PIGB: variants seen among roughly 807,000 people sequenced by gnomAD.
PIGB encodes GPI alpha-1,2-mannosyltransferase 3.
PIGB carries 58 observed loss-of-function variants against 68.4 expected under a neutral mutation model. The observed-to-expected ratio is 0.85, with a 90% CI of 0.69 to 1.06. The LOEUF (loss-of-function observed/expected upper bound fraction) is 1.06. Among genes scored for constraint, PIGB ranks in the 50% least tolerant of loss-of-function variants. PIGB has a pLI of 0.00. For missense variants in PIGB, 634 were observed against 655.8 expected (o/e 0.97, Z 0.36); for synonymous variants, 219 against 220.5 (o/e 0.99, Z 0.06).
chr15:55,329,657 G>C, intron 4 of PIGB, 67 bp from the exon 5 acceptor site: 1 of 1,226,996 alleles, frequency 8.1e-7, no homozygotes, highest in Non-Finnish European at 1.1e-6. Flanking sequence ...TTGCTATTTA[G>C]AAGATAATAT....
intron 6 of PIGB, among the ~76,000 whole-genome samples, chr15:55,338,619 C>A (rs1001766292): frequency 6.6e-6 from 1 of 151,934 alleles, no homozygotes; most frequent in Non-Finnish European, 1.5e-5. Context: ...TGCACTCCAG[C>A]CTGGGTGACA....
chr15:55,324,855 T>A (rs1433045973), intron 3 of PIGB: 1 of 966,824 alleles, frequency 1.0e-6, no homozygotes, highest in Non-Finnish European at 1.2e-6. Context: ...GAGTGCCTTT[T>A]CCTGTATTTT....
At position 55,335,358 on chromosome 15, in the gene PIGB, A is replaced by C. The variant is rs535131852; in HGVS notation, c.794+1351A>C. On this transcript the variant is annotated intron_variant, in intron 6 of 11. Coordinates refer to ENST00000164305, the MANE Select transcript of PIGB (RefSeq NM_004855.5). ...TCAGTTGCTACTGTTGTCATTTCTC[A>C]GATGTATTAATAACATTGCATTAAA... Among the ~76,000 whole-genome samples, 4 of 152,230 alleles carry C rather than the reference A, an allele frequency of 2.6e-5. No individual in the cohort carries two copies. In the South Asian group the frequency reaches 8.3e-4, roughly 31 times the overall value.
At chr15:55,329,701 G>T in intron 4 of PIGB, 23 bp from the exon 5 acceptor site, 1 of 1,594,022 alleles carries the variant, frequency 6.3e-7, no homozygotes, top group Non-Finnish European at 8.6e-7. Flanking sequence ...TTTCATATAT[G>T]TTTGCTCTGT....
intron 9 of PIGB, chr15:55,349,959 A>G (rs2055885686): frequency 6.6e-6 from 1 of 152,176 alleles, no homozygotes; most frequent in Non-Finnish European, 1.5e-5. Flanking sequence ...GGACTATCAG[A>G]GGGGAGAGAG....
chr15:55,321,991 A>G (rs1224036937), intron 3 of PIGB, among the ~76,000 whole-genome samples: 1 of 150,780 alleles, frequency 6.6e-6, no homozygotes, highest in Non-Finnish European at 1.5e-5. Context: ...CCTGACCAAC[A>G]CAGAGAAACC....
intron 5 of PIGB, 38 bp downstream of exon 5, chr15:55,329,892 C>A (rs769888329): frequency 1.4e-6 from 2 of 1,453,330 alleles, no homozygotes; most frequent in Non-Finnish European, 1.9e-6. Flanking sequence ...GTTCAAAATT[C>A]TACTTTTGAA....
rs2055156942 is a variant in PIGB, at chr15:55,321,267, T to A, written c.300-6T>A. The A allele has an allele frequency of 6.3e-7, 1 of 1,592,584 alleles. No homozygotes were observed. Among genetic ancestry groups the A allele is most frequent in the East Asian group, 2.2e-5 (1 of 44,526 alleles). ...TTATTGGACATTTACTCCTTAATGTTACTAATTATGGTTATTTGACTTGGG... is the reference window on the plus strand; with the variant it reads ...TTATTGGACATTTACTCCTTAATGTAACTAATTATGGTTATTTGACTTGGG... On this transcript the variant is annotated splice_region_variant and splice_polypyrimidine_tract_variant and intron_variant, in intron 2 of 11. Coordinates refer to ENST00000164305, the MANE Select transcript of PIGB (RefSeq NM_004855.5).
chr15:55,325,047 G>C (rs373854903), intron 3 of PIGB, among the ~76,000 whole-genome samples: 28 of 152,272 alleles, frequency 1.8e-4, no homozygotes, highest in African/African-American at 6.7e-4. Context: ...TGAATTAACA[G>C]CCGGCGCGGT....
chr15:55,339,007 G>C (rs2055601622), intron 6 of PIGB, among the ~76,000 whole-genome samples: 1 of 152,058 alleles, frequency 6.6e-6, no homozygotes, highest in Admixed American at 6.5e-5. Context: ...ACAAGTTTTG[G>C]GGTAATTTGT....
At chr15:55,343,453 G>A (rs1160638770) in intron 9 of PIGB, 2 of 152,132 alleles carry the variant, frequency 1.3e-5, no homozygotes, top group Non-Finnish European at 2.9e-5. Context: ...GTGCCTGGAG[G>A]GGACGGGGAG....
At chr15:55,339,347 T>G in intron 7 of PIGB, 29 bp downstream of exon 7, 1 of 1,350,964 alleles carries the variant, frequency 7.4e-7, no homozygotes, top group Non-Finnish European at 1.0e-6. Flanking sequence ...AGCTAACAGC[T>G]ATTTTTATTT....
chr15:55,348,689 GCC>G (rs745339555), intron 9 of PIGB, among the ~76,000 whole-genome samples: 106 of 152,330 alleles, frequency 7.0e-4, no homozygotes, highest in Middle Eastern at 3.4e-3. Context: ...AGTGGAAGCA[GCC>G]TGAAGCCCTC....
rs750144952 is a variant in PIGB at position 55,355,289 on chromosome 15, A to G, written c.1522A>G (p.Ile508Val). 3 of 1,605,312 alleles carry G rather than the reference A, an allele frequency of 1.9e-6. No homozygotes were observed. Among genetic ancestry groups the G allele is most frequent in the Non-Finnish European group, 2.6e-6 (3 of 1,175,212 alleles). ...TTAAACATTTATTTGCTTCTAGGAAATAAGCGCTTTCCTAATTTCAAGCAA... is the reference window on the plus strand; with the variant it reads ...TTAAACATTTATTTGCTTCTAGGAAGTAAGCGCTTTCCTAATTTCAAGCAA... Reference protein sequence around the residue: ...LITFSILEEEISAFLISSNYK... With the variant: ...LITFSILEEEVSAFLISSNYK... Residue 508 changes from isoleucine (I) to valine (V), a missense_variant, in exon 12 of 12, where the codon ATA becomes GTA. Physicochemically the swap from Ile to Val is conservative, Grantham distance 29 (BLOSUM62 3). Coordinates refer to ENST00000164305, the MANE Select transcript of PIGB (RefSeq NM_004855.5).
In PIGB at chr15:55,341,432, T is replaced by G. The variant is rs138934880; in HGVS notation, c.1059-306T>G. ...ACAGAAATACATTCTAAAATAAAAA[T>G]GTATGTATCCTTATTCCAAATTTGA... On this transcript the variant is annotated intron_variant, in intron 8 of 11. Transcript: ENST00000164305. Among the ~76,000 whole-genome samples the G allele has an allele frequency of 6.0e-3, 918 of 152,322 alleles. 4 individuals are homozygous for G. Among genetic ancestry groups the G allele is most frequent in the Middle Eastern group, 0.014 (4 of 294 alleles).
intron 9 of PIGB, among the ~76,000 whole-genome samples, chr15:55,345,484 G>A (rs183006527): frequency 6.6e-6 from 1 of 152,238 alleles, no homozygotes; most frequent in East Asian, 1.9e-4. Context: ...CTGGCCAGCT[G>A]CCAGTGGCTG....
intron 4 of PIGB, 107 bp downstream of exon 4, chr15:55,327,742 C>G (rs2055325755): frequency 1.4e-6 from 1 of 711,926 alleles, no homozygotes; most frequent in Non-Finnish European, 2.5e-6. Flanking sequence ...ATAATTCATA[C>G]AACTTTATAG....
chr15:55,335,813 A>G (rs1195796648), intron 6 of PIGB, among the ~76,000 whole-genome samples: 1 of 152,160 alleles, frequency 6.6e-6, no homozygotes, highest in East Asian at 1.9e-4. Context: ...GATGTGGCTA[A>G]AAGAGAGTGA....
intron 9 of PIGB, 37 bp downstream of exon 9, chr15:55,341,839 T>C: frequency 1.1e-6 from 1 of 922,644 alleles, no homozygotes; most frequent in Non-Finnish European, 1.5e-6. Context: ...ATAAATTATA[T>C]AGAAATAGTC....
Sources: gnomAD v4.1 joint callset for allele counts (sites outside exome capture counted in the v4.1 genomes callset) on GRCh38, gnomAD v4.1.1 for gene constraint, MANE v1.5 for transcripts, NCBI Gene and HGNC (gene_info 2026-07-23, HGNC 2026-07-21) for gene names.